Variants in IFT56 observed in about 807,000 individuals in gnomAD.
IFT56 encodes intraflagellar transport 56.
At chr7:139,160,968 G>A in the IFT56 span, 1 of 1,613,438 alleles carries the variant, frequency 6.2e-7, no homozygotes, top group African/African-American at 1.3e-5. Context: ...AAAGCTTGAT[G>A]GACAATGCTT....
the IFT56 span, chr7:139,165,295 C>A: frequency 7.3e-6 from 8 of 1,098,584 alleles, no homozygotes; most frequent in East Asian, 1.8e-4. Context: ...TTAAATATGT[C>A]TGATGGAACT....
chr7:139,180,302 C>T, the IFT56 span, among the ~76,000 whole-genome samples: 1 of 152,116 alleles, frequency 6.6e-6, no homozygotes, highest in East Asian at 1.9e-4. Context: ...CGCCACTGCA[C>T]GCCAGCCTGG....
At chr7:139,184,349 C>T in the IFT56 span, among the ~76,000 whole-genome samples, 1 of 152,172 alleles carries the variant, frequency 6.6e-6, no homozygotes, top group South Asian at 2.1e-4. Flanking sequence ...GTTGCATTTG[C>T]AGGGTGACCA....
chr7:139,139,423 C>T, the IFT56 span, among the ~76,000 whole-genome samples: 1 of 152,058 alleles, frequency 6.6e-6, no homozygotes, highest in East Asian at 1.9e-4. Flanking sequence ...TAGAAAGTGT[C>T]CTTGGCAGGA....
At chr7:139,187,341 A>C in the IFT56 span, 1 of 1,569,270 alleles carries the variant, frequency 6.4e-7, no homozygotes, top group South Asian at 1.2e-5. Flanking sequence ...TGTTATCTTT[A>C]TGTTCAGGTT....
chr7:139,191,102 T>C, the IFT56 span: 1 of 152,210 alleles, frequency 6.6e-6, no homozygotes, highest in South Asian at 2.1e-4. Flanking sequence ...CAAGGGGTTA[T>C]TTCACCTCTA....
At chr7:139,161,561 C>G in the IFT56 span, among the ~76,000 whole-genome samples, 1 of 152,224 alleles carries the variant, frequency 6.6e-6, no homozygotes, top group Non-Finnish European at 1.5e-5. Flanking sequence ...GCTCTCAATT[C>G]AGATACCTGG....
the IFT56 span, chr7:139,173,420 G>T: frequency 1.9e-6 from 1 of 532,336 alleles, no homozygotes; most frequent in East Asian, 3.2e-5. Context: ...CTAGAGACGA[G>T]GTTTCGCCAT....
chr7:139,166,160 G>T, the IFT56 span, among the ~76,000 whole-genome samples: 1 of 152,158 alleles, frequency 6.6e-6, no homozygotes. Context: ...GTTTCGCCAT[G>T]TTGGCCAGGC....
the IFT56 span, among the ~76,000 whole-genome samples, chr7:139,143,140 G>A: frequency 2.0e-5 from 3 of 152,018 alleles, no homozygotes; most frequent in African/African-American, 7.2e-5. Flanking sequence ...TTATAAAAAT[G>A]TCATTCTGAA....
chr7:139,174,438 C>A, the IFT56 span, among the ~76,000 whole-genome samples: 1 of 152,110 alleles, frequency 6.6e-6, no homozygotes, highest in African/African-American at 2.4e-5. Context: ...AGGTTCCCGA[C>A]CGTGTGTGAG....
At chr7:139,173,305 G>A in the IFT56 span, 2 of 436,850 alleles carry the variant, frequency 4.6e-6, no homozygotes, top group Non-Finnish European at 8.0e-6. Flanking sequence ...TCGGCTCACT[G>A]CAACCTCTGC....
At chr7:139,147,947 A>G in the IFT56 span, among the ~76,000 whole-genome samples, 3 of 152,134 alleles carry the variant, frequency 2.0e-5, no homozygotes, top group Non-Finnish European at 4.4e-5. Context: ...TTTATGTTCA[A>G]TTATTGCATA....
chr7:139,153,477 A>G, the IFT56 span, among the ~76,000 whole-genome samples: 2 of 151,712 alleles, frequency 1.3e-5, no homozygotes, highest in African/African-American at 4.8e-5. Flanking sequence ...CTCTTCAGCT[A>G]TCAACCCCTA....
chr7:139,187,600 T>C, the IFT56 span: 3 of 1,569,760 alleles, frequency 1.9e-6, no homozygotes, highest in South Asian at 3.5e-5. Flanking sequence ...GGGAAAATAC[T>C]TGTTCTCTTG....
At chr7:139,168,513 C>A in the IFT56 span, 1 of 725,612 alleles carries the variant, frequency 1.4e-6, no homozygotes, top group East Asian at 2.7e-5. Flanking sequence ...CCTTTTATTT[C>A]TCCATATCCC....
At chr7:139,184,010 AC>A in the IFT56 span, among the ~76,000 whole-genome samples, 2 of 152,222 alleles carry the variant, frequency 1.3e-5, no homozygotes, top group Admixed American at 1.3e-4. Flanking sequence ...TTTAAGCCTC[AC>A]CCCTGCCTCT....
At chr7:139,172,011 T>C in the IFT56 span, among the ~76,000 whole-genome samples, 1 of 152,160 alleles carries the variant, frequency 6.6e-6, no homozygotes, top group Admixed American at 6.6e-5. Context: ...AAATTTTCTT[T>C]TGCCGTCAAT....
At chr7:139,168,626 G>C in the IFT56 span, 2 of 470,852 alleles carry the variant, frequency 4.2e-6, no homozygotes, top group Middle Eastern at 6.0e-4. Context: ...TTGTTTAAAA[G>C]GGTCCAATTT....
Sources: gnomAD v4.1 joint callset for allele counts (sites outside exome capture counted in the v4.1 genomes callset) on GRCh38, gnomAD v4.1.1 for gene constraint, MANE v1.5 for transcripts, NCBI Gene and HGNC (gene_info 2026-07-23, HGNC 2026-07-21) for gene names.